The following RAB19 variants were observed in gnomAD, a reference collection of about 807,000 sequenced individuals.
RAB19 encodes the protein RAB19, member RAS oncogene family, also known as ras-related protein Rab-19.
Under a neutral mutation model 17.3 loss-of-function variants are expected in RAB19, and 21 were observed. That is an observed-to-expected ratio of 1.21 (90% confidence interval 0.86 to 1.74). The LOEUF is 1.74. Among genes scored for constraint, RAB19 ranks in the 40% most tolerant of loss-of-function variants. The pLI is 0.00. For missense variants in RAB19, 277 were observed against 286.8 expected, an observed-to-expected ratio of 0.97 and a Z score of 0.25; for synonymous variants, 126 against 110.4, an observed-to-expected ratio of 1.14 and a Z score of -0.88.
chr7:140,411,760 TGAATATCTA>T (rs1181117591), intron 2 of RAB19, 105 bp from the exon 3 acceptor site: 1 of 1,589,798 alleles, frequency 6.3e-7, no homozygotes, highest in African/African-American at 1.3e-5. Flanking sequence ...CTACTGGGTC[TGAATATCTA>T]GAAGTGAGAC....
chr7:140,414,159 C>G (rs1411328432), intron 3 of RAB19, among the ~76,000 whole-genome samples: 1 of 152,152 alleles, frequency 6.6e-6, no homozygotes, highest in Non-Finnish European at 1.5e-5. Flanking sequence ...ATTCTCCTGC[C>G]TCAGCCTCCC....
chr7:140,414,702 G>A (rs777661200), intron 3 of RAB19, among the ~76,000 whole-genome samples: 4 of 152,114 alleles, frequency 2.6e-5, no homozygotes, highest in African/African-American at 7.2e-5. Flanking sequence ...AGAAAAATTC[G>A]TGTTGTCCCT....
chr7:140,411,367 G>T (rs185003641), intron 2 of RAB19, among the ~76,000 whole-genome samples: 42 of 152,164 alleles, frequency 2.8e-4, no homozygotes, highest in African/African-American at 9.9e-4. Flanking sequence ...GCCACTGCAC[G>T]CCAGCCTGGG....
intron 3 of RAB19, among the ~76,000 whole-genome samples, chr7:140,413,020 G>T (rs1799395426): frequency 6.6e-6 from 1 of 151,986 alleles, no homozygotes; most frequent in South Asian, 2.1e-4. Flanking sequence ...CAGCTACTCA[G>T]GAGGCTGAGG....
chr7:140,414,896 A>G (rs1424992984), intron 3 of RAB19, among the ~76,000 whole-genome samples: 3 of 151,786 alleles, frequency 2.0e-5, no homozygotes, highest in Non-Finnish European at 4.4e-5. Flanking sequence ...GCTCCTCCTA[A>G]TGTCCCCATG....
intron 3 of RAB19, among the ~76,000 whole-genome samples, chr7:140,414,361 G>GGCA (rs1799418171): frequency 6.6e-6 from 1 of 152,076 alleles, no homozygotes; most frequent in Non-Finnish European, 1.5e-5. Flanking sequence ...TATCTCTGAA[G>GGCA]GCAGCGACCT....
At chr7:140,411,736 G>A in intron 2 of RAB19, 138 bp from the exon 3 acceptor site, 4 of 1,540,140 alleles carry the variant, frequency 2.6e-6, no homozygotes, top group Non-Finnish European at 3.5e-6. Context: ...AGATCCCTGG[G>A]TCCCACCCCA....
chr7:140,415,876 A>G (rs954367296), intron 3 of RAB19, among the ~76,000 whole-genome samples: 12 of 148,848 alleles, frequency 8.1e-5, no homozygotes, highest in Admixed American at 1.3e-4. Flanking sequence ...GTGCACTCCA[A>G]CCTGGGTGAC....
At chr7:140,417,347 A>G (rs2130135812) in intron 3 of RAB19, among the ~76,000 whole-genome samples, 1 of 151,370 alleles carries the variant, frequency 6.6e-6, no homozygotes, top group East Asian at 1.9e-4. Flanking sequence ...GGCTGCAGTG[A>G]GCTATGACTG....
In RAB19 at chr7:140,411,916, A is replaced by G. The variant is rs138951503; in HGVS notation, c.244A>G (p.Ile82Val). The G allele has an allele frequency of 8.9e-5, 143 of 1,614,208 alleles. No individual in the cohort carries two copies. In the African/African-American group the frequency reaches 1.6e-3, roughly 18 times the overall value. ...DTAGQERFRT[I>V]TQSYYRSAHA... Reference sequence around the variant, plus strand: ...AGCTGGCCAGGAGCGCTTCCGCACCATCACCCAAAGCTACTACCGCAGTGC... The same window carrying G: ...AGCTGGCCAGGAGCGCTTCCGCACCGTCACCCAAAGCTACTACCGCAGTGC... Residue 82 changes from isoleucine to valine, a missense_variant, in exon 3 of 4, where the codon ATC becomes GTC. Transcript: ENST00000537763.
chr7:140,413,620 T>G (rs1182493754), intron 3 of RAB19, among the ~76,000 whole-genome samples: 1 of 152,080 alleles, frequency 6.6e-6, no homozygotes, highest in Admixed American at 6.6e-5. Flanking sequence ...GGGAATCACT[T>G]GAGCCTGGGA....
rs780949316 is a variant in RAB19, at chr7:140,407,751, G to A, written c.105G>A (p.Gln35=). The A allele has an allele frequency of 3.7e-6, 6 of 1,613,918 alleles. No homozygotes were observed. Among genetic ancestry groups the A allele is most frequent in the Non-Finnish European group, 5.1e-6 (6 of 1,179,956 alleles). The stretch of plus-strand genomic sequence containing the variant: ...ATGTGGGGAAGACGTGTGTGGTGCA[G>A]CATTTCAAGTCTGGAGTCTACACTG... ...DSNVGKTCVV[Q]HFKSGVYTET... is the part of the protein sequence containing the mutation. Residue 35 remains glutamine (Q), a synonymous_variant, in exon 2 of 4, where the codon CAG becomes CAA. Coordinates refer to ENST00000537763, the MANE Select transcript of RAB19 (RefSeq NM_001008749.3).
intron 3 of RAB19, among the ~76,000 whole-genome samples, chr7:140,416,065 G>A (rs953301911): frequency 2.4e-4 from 37 of 151,278 alleles, no homozygotes; most frequent in Admixed American, 2.2e-3. Flanking sequence ...ACAAACAGCC[G>A]GGTGCAGTGG....
chr7:140,410,839 T>C (rs1335518442), intron 2 of RAB19: 2 of 862,886 alleles, frequency 2.3e-6, no homozygotes, highest in Non-Finnish European at 3.3e-6. Context: ...AGTATGAGAA[T>C]ATGAAGAAAT....
chr7:140,414,722 G>A (rs997306406), intron 3 of RAB19, among the ~76,000 whole-genome samples: 1 of 152,116 alleles, frequency 6.6e-6, no homozygotes, highest in African/African-American at 2.4e-5. Flanking sequence ...TCACGGAAGT[G>A]TCCCGGCACA....
intron 3 of RAB19, 94 bp from the exon 4 acceptor site, chr7:140,425,788 C>A: frequency 7.5e-7 from 1 of 1,327,166 alleles, no homozygotes; most frequent in Non-Finnish European, 1.0e-6. Flanking sequence ...GCATGCATGC[C>A]TATTGAAGAA....
chr7:140,417,638 G>A (rs1799484240), intron 3 of RAB19, among the ~76,000 whole-genome samples: 2 of 152,112 alleles, frequency 1.3e-5, no homozygotes, highest in African/African-American at 4.8e-5. Context: ...GTAACCAACT[G>A]CCACGAGCTG....
chr7:140,410,313 CTTTTTTTT>C (rs762151021), intron 2 of RAB19, among the ~76,000 whole-genome samples: 5 of 81,034 alleles, frequency 6.2e-5, no homozygotes, highest in Admixed American at 2.0e-4. Flanking sequence ...TTGTATTTTT[CTTTTTTTT>C]TTTTTTTTTT....
rs546715211 is a variant in RAB19 at position 140,422,612 on chromosome 7, C to T, written c.386-3270C>T. On this transcript the variant is annotated intron_variant, in intron 3 of 3. Coordinates refer to ENST00000537763, the MANE Select transcript of RAB19 (RefSeq NM_001008749.3). The stretch of plus-strand genomic sequence containing the variant: ...ACATTTTCATAGGCCAAGATCACTC[C>T]ACTGCACTCCAGCCTGGGCAACAAA... Among the ~76,000 whole-genome samples the T allele has an allele frequency of 5.3e-5, 8 of 151,444 alleles. No homozygotes were observed. In the East Asian group the frequency reaches 1.5e-3, roughly 29 times the overall value.
Sources: gnomAD v4.1 joint callset for allele counts (sites outside exome capture counted in the v4.1 genomes callset) on GRCh38, gnomAD v4.1.1 for gene constraint, MANE v1.5 for transcripts, NCBI Gene and HGNC (gene_info 2026-07-23, HGNC 2026-07-21) for gene names.